The following PARD3B variants were observed in gnomAD, a reference collection of about 807,000 sequenced individuals.
PARD3B encodes partitioning defective 3 homolog B.
In PARD3B, 103 loss-of-function variants were observed where a neutral mutation model predicts 130.2. The observed-to-expected ratio is 0.79, with a 90% CI of 0.67 to 0.93. The LOEUF is 0.93. Among genes scored for constraint, PARD3B ranks in the 40% least tolerant of loss-of-function variants. The probability of loss-of-function intolerance (pLI) is 0.00; values close to 1 mark genes in which losing one functional copy is unlikely to be tolerated. For missense variants in PARD3B, 1,609 were observed against 1,499.2 expected (o/e 1.07, Z -1.21); for synonymous variants, 583 against 553.2 (o/e 1.05, Z -0.76).
At chr2:205,601,625 G>C (rs913462365) in intron 22 of PARD3B, among the ~76,000 whole-genome samples, 1 of 152,132 alleles carries the variant, frequency 6.6e-6, no homozygotes, top group African/African-American at 2.4e-5. Flanking sequence ...GGTTTTTATA[G>C]TTTTGGGTTT....
chr2:204,927,719 C>G (rs1400490922), intron 2 of PARD3B, among the ~76,000 whole-genome samples: 1 of 152,078 alleles, frequency 6.6e-6, no homozygotes, highest in African/African-American at 2.4e-5. Context: ...CGAGTCATGA[C>G]TTTTTCTGTA....
At chr2:205,185,934 C>T (rs979161756) in intron 14 of PARD3B, 71 bp downstream of exon 14, 28 of 1,230,854 alleles carry the variant, frequency 2.3e-5, no homozygotes, top group Non-Finnish European at 2.4e-6. Flanking sequence ...CAACCTTATT[C>T]AGCAAACTTA....
intron 21 of PARD3B, among the ~76,000 whole-genome samples, chr2:205,552,959 A>G (rs767846045): frequency 2.6e-5 from 4 of 152,192 alleles, no homozygotes; most frequent in Non-Finnish European, 4.4e-5. Flanking sequence ...GGAAGTCTCT[A>G]TACTACCTGT....
chr2:205,137,770 C>T (rs376833254), intron 10 of PARD3B, among the ~76,000 whole-genome samples: 1 of 152,154 alleles, frequency 6.6e-6, no homozygotes, highest in Non-Finnish European at 1.5e-5. Context: ...ACACCATGGT[C>T]CTCCTTCATG....
At position 204,890,748 on chromosome 2, in the gene PARD3B, C is replaced by G. The variant is rs981460255; in HGVS notation, c.223-74404C>G. Among the ~76,000 whole-genome samples, 2 of 152,178 alleles carry G rather than the reference C, an allele frequency of 1.3e-5. No homozygotes were observed. The highest frequency in any genetic ancestry group is 2.9e-5 in the Non-Finnish European group (2 of 68,032). ...TAGCCACAGGGAGGCAGGGATGTCC[C>G]CTCTTGCTCAGCCTCCCATCCTGTG... On this transcript the variant is annotated intron_variant, in intron 2 of 22. Transcript: ENST00000406610. The surrounding 1 kb of genome is among the most constrained non-coding windows in gnomAD (Gnocchi z 4.9).
chr2:204,708,914 G>T (rs2038308411), intron 2 of PARD3B, among the ~76,000 whole-genome samples: 1 of 152,078 alleles, frequency 6.6e-6, no homozygotes, highest in Non-Finnish European at 1.5e-5. Flanking sequence ...CTGGACTGTG[G>T]AATGCTAAAA....
In PARD3B at chr2:205,550,933, G is replaced by GTGTGTATATATATA. The variant is rs2052597389; in HGVS notation, c.3181-2386_3181-2385insATATATATATGTGT. On this transcript the variant is annotated intron_variant, in intron 21 of 22. Transcript: ENST00000406610. The surrounding 1 kb of genome is among the most constrained non-coding windows in gnomAD (Gnocchi z 4.5). ...TAAATACATATAATTATGTGTGTGT[G>GTGTGTATATATATA]TGTGTGTGTATATATATATGTGTAT... Among the ~76,000 whole-genome samples, 4 of 115,600 alleles carry GTGTGTATATATATA rather than the reference G, an allele frequency of 3.5e-5. No homozygotes were observed. Among genetic ancestry groups the GTGTGTATATATATA allele is most frequent in the African/African-American group, 1.0e-4 (3 of 29,624 alleles). 75.8% of individuals were successfully genotyped at this position (115,600 alleles called of 152,430 possible). A position where few individuals can be genotyped will look rare whatever the true frequency, so the allele number is the denominator to read the frequency against.
intron 10 of PARD3B, among the ~76,000 whole-genome samples, chr2:205,137,924 G>A (rs892910571): frequency 1.3e-5 from 2 of 152,216 alleles, no homozygotes; most frequent in Non-Finnish European, 2.9e-5. Flanking sequence ...TCAAAACAAG[G>A]TCAAGTCACA....
At chr2:205,006,063 T>C (rs1695241787) in intron 3 of PARD3B, among the ~76,000 whole-genome samples, 2 of 152,206 alleles carry the variant, frequency 1.3e-5, no homozygotes, top group South Asian at 4.1e-4. Flanking sequence ...ACATATGATA[T>C]TTGGTTTTCC....
chr2:204,912,230 A>G (rs2047264561), intron 2 of PARD3B, among the ~76,000 whole-genome samples: 1 of 152,214 alleles, frequency 6.6e-6, no homozygotes, highest in South Asian at 2.1e-4. Context: ...ATAGATTAAC[A>G]TGCAGCCTAA....
At chr2:205,519,792 AG>A (rs2050956815) in intron 21 of PARD3B, among the ~76,000 whole-genome samples, 1 of 152,138 alleles carries the variant, frequency 6.6e-6, no homozygotes. Flanking sequence ...GGCTTTGTGC[AG>A]GGTCTTTATT....
intron 4 of PARD3B, among the ~76,000 whole-genome samples, chr2:205,065,937 C>T (rs1700344581): frequency 6.6e-6 from 1 of 152,102 alleles, no homozygotes. Flanking sequence ...AGACGGCCCC[C>T]ATTTATTCAT....
chr2:204,912,196 C>G (rs576362644), intron 2 of PARD3B, among the ~76,000 whole-genome samples: 3 of 152,136 alleles, frequency 2.0e-5, no homozygotes, highest in African/African-American at 7.2e-5. Flanking sequence ...ATTTTAGAAA[C>G]ATATGATAAT....
intron 2 of PARD3B, among the ~76,000 whole-genome samples, chr2:204,779,183 A>G (rs571419129): frequency 1.3e-5 from 2 of 152,116 alleles, no homozygotes; most frequent in African/African-American, 2.4e-5. Context: ...AGATGCCATC[A>G]TCCCCTGGAC....
intron 1 of PARD3B, among the ~76,000 whole-genome samples, chr2:204,573,245 C>T (rs1163910397): frequency 6.6e-6 from 1 of 152,208 alleles, no homozygotes; most frequent in African/African-American, 2.4e-5. Flanking sequence ...CTAGTTTTCA[C>T]TCTTGATATC....
chr2:205,339,263 AAAT>A (rs1224652189), intron 18 of PARD3B, among the ~76,000 whole-genome samples: 1 of 152,224 alleles, frequency 6.6e-6, no homozygotes, highest in Non-Finnish European at 1.5e-5. Flanking sequence ...TATCAACACA[AAAT>A]AAGAAGAAAT....
chr2:205,002,617 C>G (rs548133070), intron 3 of PARD3B, among the ~76,000 whole-genome samples: 1 of 152,156 alleles, frequency 6.6e-6, no homozygotes, highest in Admixed American at 6.5e-5. Context: ...TCCATCCTCT[C>G]GCGCTCTGAT....
chr2:204,861,040 A>G (rs1182368933), intron 2 of PARD3B, among the ~76,000 whole-genome samples: 2 of 152,036 alleles, frequency 1.3e-5, no homozygotes, highest in African/African-American at 2.4e-5. Context: ...CACATCTCCA[A>G]TTTGTTTTCT....
chr2:205,312,151 G>A (rs186238820), intron 18 of PARD3B, among the ~76,000 whole-genome samples: 54 of 152,232 alleles, frequency 3.5e-4, no homozygotes, highest in African/African-American at 4.6e-4. Context: ...TAATGTGGCC[G>A]CAGCCTGTCA....
Sources: allele counts gnomAD v4.1 joint callset (sites outside exome capture counted in the v4.1 genomes callset), GRCh38; gene constraint gnomAD v4.1.1; non-coding constraint Gnocchi (gnomAD v3.1); transcripts MANE v1.5; gene names NCBI Gene and HGNC (gene_info 2026-07-23, HGNC 2026-07-21).